SLC4A4: variants seen among roughly 807,000 people sequenced by gnomAD.
SLC4A4 encodes electrogenic sodium bicarbonate cotransporter 1.
Under a neutral mutation model 111.5 loss-of-function variants are expected in SLC4A4, and 27 were observed. The ratio of observed to expected loss-of-function variants is 0.24; its 90% CI spans 0.18 to 0.33. The LOEUF is 0.33. Among genes scored for constraint, SLC4A4 ranks in the 10% least tolerant of loss-of-function variants. The pLI is 1.00. For synonymous variants in SLC4A4, 443 were observed against 463.4 expected, an observed-to-expected ratio of 0.96 and a Z score of 0.57; for missense variants, 909 against 1,315.5, an observed-to-expected ratio of 0.69 and a Z score of 4.78.
intron 18 of SLC4A4, among the ~76,000 whole-genome samples, chr4:71,545,536 C>T (rs149906197): frequency 2.2e-3 from 331 of 151,980 alleles, no homozygotes; most frequent in African/African-American, 7.6e-3. Flanking sequence ...AATAACATTG[C>T]GGACACATTT....
chr4:71,374,447 C>T (rs190417946), intron 6 of SLC4A4, among the ~76,000 whole-genome samples: 25 of 152,174 alleles, frequency 1.6e-4, no homozygotes, highest in East Asian at 1.9e-4. Context: ...TTTTAGTTAA[C>T]GTAAGACATT....
At chr4:71,455,536 C>T (rs577639954) in intron 12 of SLC4A4, among the ~76,000 whole-genome samples, 27 of 152,046 alleles carry the variant, frequency 1.8e-4, no homozygotes, top group Non-Finnish European at 3.1e-4. Flanking sequence ...ACCCTACGGC[C>T]AGCTTGAAGA....
chr4:71,151,341 C>T (rs16845929), intron 2 of SLC4A4, among the ~76,000 whole-genome samples: 12,108 of 152,154 alleles, frequency 0.08, 766 homozygotes, highest in Admixed American at 0.22. Flanking sequence ...TGCCCTACTT[C>T]TTTAGAGTAC....
At chr4:71,186,565 G>C (rs1217699459), upstream of SLC4A4, among the ~76,000 whole-genome samples, 1 of 151,844 alleles carries the variant, frequency 6.6e-6, no homozygotes, top group African/African-American at 2.4e-5. Flanking sequence ...AGCTCCGGGC[G>C]GGCGCTGCGC....
At chr4:71,526,824 A>G (rs879630847) in intron 16 of SLC4A4, among the ~76,000 whole-genome samples, 1 of 151,800 alleles carries the variant, frequency 6.6e-6, no homozygotes, top group Non-Finnish European at 1.5e-5. Flanking sequence ...TGACTTTTCT[A>G]CCACCTAGGG....
chr4:71,121,338 G>A (rs369596940), intron 2 of SLC4A4, among the ~76,000 whole-genome samples: 12 of 152,312 alleles, frequency 7.9e-5, no homozygotes, highest in South Asian at 2.1e-4. Context: ...GGTGCACGGC[G>A]CTGGACTGAG....
At chr4:71,236,234 A>ATTT (rs34835011) in intron 1 of SLC4A4, 510 of 957,746 alleles carry the variant, frequency 5.3e-4, no homozygotes, top group South Asian at 3.0e-3. Flanking sequence ...CTCTCTTGGT[A>ATTT]TTTTTTTTTT....
At chr4:71,153,089 T>C (rs963604441) in intron 2 of SLC4A4, among the ~76,000 whole-genome samples, 1 of 150,184 alleles carries the variant, frequency 6.7e-6, no homozygotes, top group African/African-American at 2.4e-5. Context: ...TTAACTCACA[T>C]GATCACATGG....
At position 71,064,138 on chromosome 4, in the gene SLC4A4, G is replaced by A. The variant is rs187445699; in HGVS notation, c.-65+1350G>A. ...GGCTCTTTCAAATCCACATTTCTGTGATTTCTATAATTTTAGAGAGGCAAT... is the reference window on the plus strand; with the variant it reads ...GGCTCTTTCAAATCCACATTTCTGTAATTTCTATAATTTTAGAGAGGCAAT... On this transcript the variant is annotated intron_variant, in intron 1 of 26. Transcript: ENST00000649996. Among the ~76,000 whole-genome samples the A allele has an allele frequency of 3.3e-5, 5 of 152,254 alleles. No individual in the cohort carries two copies. The East Asian group carries it at 9.6e-4, about 29-fold the overall frequency.
chr4:71,515,009 CT>C (rs922963905), intron 16 of SLC4A4, among the ~76,000 whole-genome samples: 1 of 151,686 alleles, frequency 6.6e-6, no homozygotes, highest in African/African-American at 2.4e-5. Flanking sequence ...TTTATTATTT[CT>C]TTTTTTCCTG....
chr4:71,108,480 C>G lies in SLC4A4; in HGVS notation c.-2+15688C>G, dbSNP rs116280091. On this transcript the variant is annotated intron_variant, in intron 2 of 26. Transcript: ENST00000649996. Reference sequence around the variant, plus strand: ...TATATTAGCCCACTGCTTCTGGCCTCCAAAGTTTCTGATGAGAAATATGCT... The same window carrying G: ...TATATTAGCCCACTGCTTCTGGCCTGCAAAGTTTCTGATGAGAAATATGCT... 2.9e-3 allele frequency among the ~76,000 whole-genome samples: 448 copies of G among 152,280 alleles called. 4 individuals are homozygous for G. The highest frequency in any genetic ancestry group is 0.01 in the African/African-American group (435 of 41,558).
chr4:71,379,188 ACT>A (rs966401833), intron 6 of SLC4A4, among the ~76,000 whole-genome samples: 1 of 151,886 alleles, frequency 6.6e-6, no homozygotes, highest in African/African-American at 2.4e-5. Context: ...TTTAGTGATG[ACT>A]CTCTATCATT....
chr4:71,539,691 C>T (rs1256215734), intron 18 of SLC4A4, among the ~76,000 whole-genome samples: 1 of 152,138 alleles, frequency 6.6e-6, no homozygotes, highest in Non-Finnish European at 1.5e-5. Context: ...CTCTGTGGCA[C>T]AGATCACATA....
chr4:71,487,453 C>T (rs1729520242), intron 15 of SLC4A4, among the ~76,000 whole-genome samples: 1 of 151,698 alleles, frequency 6.6e-6, no homozygotes, highest in South Asian at 2.1e-4. Flanking sequence ...GGACCTTTCC[C>T]CTGTCACTTA....
At chr4:71,386,924 GT>G (rs1578981935) in intron 6 of SLC4A4, among the ~76,000 whole-genome samples, 1 of 152,114 alleles carries the variant, frequency 6.6e-6, no homozygotes, top group East Asian at 1.9e-4. Flanking sequence ...ATTCTGAGGG[GT>G]GCTCTAAGCT....
intron 2 of SLC4A4, among the ~76,000 whole-genome samples, chr4:71,107,896 CT>C (rs1742986660): frequency 1.3e-5 from 2 of 152,022 alleles, no homozygotes; most frequent in South Asian, 2.1e-4. Flanking sequence ...AAGACAGGGT[CT>C]CACTCGGTTG....
intron 1 of SLC4A4, among the ~76,000 whole-genome samples, chr4:71,071,882 A>G (rs532070594): frequency 6.6e-6 from 1 of 152,334 alleles, no homozygotes; most frequent in East Asian, 1.9e-4. Flanking sequence ...ATATGTGTCA[A>G]TAGATGTATG....
chr4:71,233,279 TG>T, intron 1 of SLC4A4: 2 of 985,374 alleles, frequency 2.0e-6, no homozygotes, highest in Non-Finnish European at 2.4e-6. Flanking sequence ...AGAGAACTAC[TG>T]AATGCCTCCT....
At chr4:71,079,191 G>A (rs1741924911) in intron 1 of SLC4A4, among the ~76,000 whole-genome samples, 1 of 152,128 alleles carries the variant, frequency 6.6e-6, no homozygotes, top group Non-Finnish European at 1.5e-5. Context: ...ATGCCTCTGG[G>A]TGCTTCTCTG....
Sources: gnomAD v4.1 joint callset for allele counts (sites outside exome capture counted in the v4.1 genomes callset) on GRCh38, gnomAD v4.1.1 for gene constraint, MANE v1.5 for transcripts, NCBI Gene and HGNC (gene_info 2026-07-23, HGNC 2026-07-21) for gene names.